LCOR: variants seen among roughly 807,000 people sequenced by gnomAD.
LCOR encodes ligand-dependent corepressor.
A neutral mutation model predicts 64.4 loss-of-function variants in LCOR; 14 were observed. The ratio of observed to expected loss-of-function variants is 0.22; its 90% CI spans 0.14 to 0.34. LCOR has a LOEUF of 0.34. Ranked by LOEUF, LCOR falls within the 10% of genes least tolerant of loss-of-function variation. The pLI, the probability that LCOR is intolerant of heterozygous loss-of-function variation, is 1.00. For synonymous variants in LCOR, 643 were observed against 642.5 expected (o/e 1.00, Z -0.01); for missense variants, 1,686 against 1,765.3 (o/e 0.96, Z 0.80).
At chr10:96,911,506 A>C (rs567600114) in intron 4 of LCOR, among the ~76,000 whole-genome samples, 2 of 152,232 alleles carry the variant, frequency 1.3e-5, no homozygotes, top group African/African-American at 2.4e-5. Flanking sequence ...GCAAAATTAC[A>C]TAGCTGGGAT....
At chr10:96,977,630 A>T (rs1848049361) in intron 7 of LCOR, among the ~76,000 whole-genome samples, 2 of 152,176 alleles carry the variant, frequency 1.3e-5, no homozygotes, top group Admixed American at 6.5e-5. Context: ...TTTAGGTTAT[A>T]AGAAAGCATT....
At chr10:96,833,604 G>C (rs1293009806) in intron 2 of LCOR, 125 bp downstream of exon 2, 2 of 264,894 alleles carry the variant, frequency 7.6e-6, no homozygotes, top group African/African-American at 4.6e-5. Flanking sequence ...CTGCTGGTGT[G>C]TGGGGAGATG....
rs533347812 is a variant in LCOR, at chr10:96,940,307, T to A, written c.-183-3806T>A. ...ACTATAATAAAGGTGGTCATGATTTTTTTTTTTTTTTTTTTTTTTTTTTTT... is the reference window on the plus strand; with the variant it reads ...ACTATAATAAAGGTGGTCATGATTTATTTTTTTTTTTTTTTTTTTTTTTTT... On this transcript the variant is annotated intron_variant, in intron 4 of 7. Coordinates refer to ENST00000421806, the MANE Select transcript of LCOR (RefSeq NM_001346516.2). 1.6e-4 allele frequency among the ~76,000 whole-genome samples: 17 copies of A among 103,860 alleles called. No individual in the cohort carries two copies. The South Asian group carries it at 4.5e-3, about 27-fold the overall frequency. 68.1% of individuals were successfully genotyped at this position (103,860 alleles called of 152,430 possible). A position where few individuals can be genotyped will look rare whatever the true frequency, so the allele number is the denominator to read the frequency against.
At chr10:96,840,041 C>T (rs1323847326) in intron 2 of LCOR, among the ~76,000 whole-genome samples, 3 of 152,142 alleles carry the variant, frequency 2.0e-5, no homozygotes, top group Non-Finnish European at 4.4e-5. Context: ...GTTTGAATTT[C>T]GTTGATTCTT....
chr10:96,952,578 TG>T (rs1198207092), intron 7 of LCOR, among the ~76,000 whole-genome samples: 6 of 152,102 alleles, frequency 3.9e-5, no homozygotes, highest in Non-Finnish European at 8.8e-5. Flanking sequence ...TGTGTGTGTG[TG>T]TGTGTTCATT....
intron 2 of LCOR, among the ~76,000 whole-genome samples, chr10:96,905,709 C>T (rs17112208): frequency 0.065 from 9,897 of 151,980 alleles, 362 homozygotes; most frequent in East Asian, 0.18. Flanking sequence ...TAGATACCTC[C>T]CATTTGTTTG....
At chr10:96,912,647 T>TTCCTTCCTTCCTTC (rs1589650824) in intron 4 of LCOR, among the ~76,000 whole-genome samples, 1 of 99,508 alleles carries the variant, frequency 1.0e-5, no homozygotes, top group South Asian at 3.8e-4. Context: ...TTCCTTCCTT[T>TTCCTTCCTTCCTTC]CCTTCTTTTT....
intron 2 of LCOR, among the ~76,000 whole-genome samples, chr10:96,855,345 A>G (rs1845784837): frequency 6.6e-6 from 1 of 152,000 alleles, no homozygotes; most frequent in African/African-American, 2.4e-5. Flanking sequence ...GCCGATAATT[A>G]CCTTTTTTGC....
chr10:96,923,490 C>A (rs571725261), intron 4 of LCOR, among the ~76,000 whole-genome samples: 2 of 152,180 alleles, frequency 1.3e-5, no homozygotes, highest in Non-Finnish European at 2.9e-5. Flanking sequence ...TCCTCTGTTT[C>A]CTCTCTTGAG....
chr10:96,868,184 G>A (rs997176237), intron 2 of LCOR, among the ~76,000 whole-genome samples: 2 of 151,766 alleles, frequency 1.3e-5, no homozygotes, highest in Admixed American at 6.6e-5. Flanking sequence ...GCACCGGGCC[G>A]AATATATCAA....
intron 4 of LCOR, among the ~76,000 whole-genome samples, chr10:96,924,710 G>A (rs901871358): frequency 3.3e-5 from 5 of 151,224 alleles, no homozygotes; most frequent in Non-Finnish European, 5.9e-5. Flanking sequence ...TACTTACAAC[G>A]CAGGCATTTT....
intron 5 of LCOR, among the ~76,000 whole-genome samples, chr10:96,946,582 A>C (rs946990690): frequency 6.6e-6 from 1 of 151,936 alleles, no homozygotes; most frequent in African/African-American, 2.4e-5. Context: ...CTTTTATTTG[A>C]CTCAGTTGTG....
chr10:96,929,771 A>G (rs1847226301), intron 4 of LCOR, among the ~76,000 whole-genome samples: 1 of 152,194 alleles, frequency 6.6e-6, no homozygotes, highest in Admixed American at 6.5e-5. Context: ...CAAGCTTTTG[A>G]TTTAAAGTGA....
intron 2 of LCOR, among the ~76,000 whole-genome samples, chr10:96,893,762 C>CA (rs376847220): frequency 0.16 from 15,053 of 94,300 alleles, 957 homozygotes; most frequent in African/African-American, 0.23. Context: ...GACTCTGTTT[C>CA]AAAAAAAAAA....
At chr10:96,975,481 C>A (rs1303722257) in intron 7 of LCOR, among the ~76,000 whole-genome samples, 1 of 151,800 alleles carries the variant, frequency 6.6e-6, no homozygotes, top group East Asian at 1.9e-4. Context: ...GAAACATACA[C>A]AGCCTAACAA....
intron 2 of LCOR, among the ~76,000 whole-genome samples, chr10:96,839,091 G>T (rs1845494683): frequency 1.3e-5 from 2 of 152,158 alleles, no homozygotes; most frequent in African/African-American, 4.8e-5. Context: ...ATATTTCATT[G>T]TGGTTTTGAT....
At chr10:96,936,401 A>G (rs1847351388) in intron 4 of LCOR, among the ~76,000 whole-genome samples, 1 of 152,260 alleles carries the variant, frequency 6.6e-6, no homozygotes, top group Admixed American at 6.5e-5. Flanking sequence ...GAGAGCAGAA[A>G]GAAATGAAGT....
chr10:96,936,531 T>A (rs548187198), intron 4 of LCOR, among the ~76,000 whole-genome samples: 18 of 152,122 alleles, frequency 1.2e-4, no homozygotes, highest in African/African-American at 4.3e-4. Flanking sequence ...TAATCACAAA[T>A]GAAATATAGG....
intron 2 of LCOR, among the ~76,000 whole-genome samples, chr10:96,847,409 TA>T (rs1845649109): frequency 1.5e-5 from 2 of 133,702 alleles, no homozygotes; most frequent in Non-Finnish European, 3.1e-5. Context: ...AAGAGTATTT[TA>T]TTTATTTATT....
Sources: allele counts gnomAD v4.1 joint callset (sites outside exome capture counted in the v4.1 genomes callset), GRCh38; gene constraint gnomAD v4.1.1; transcripts MANE v1.5; gene names NCBI Gene and HGNC (gene_info 2026-07-23, HGNC 2026-07-21).